Variants in PTAFR observed in about 807,000 individuals in gnomAD.
PTAFR encodes the protein platelet-activating factor receptor.
In PTAFR, 8 loss-of-function variants were observed where a neutral mutation model predicts 14.7. The ratio of observed to expected loss-of-function variants is 0.54; its 90% CI spans 0.32 to 0.98. PTAFR has a LOEUF of 0.98. Ranked by LOEUF, PTAFR falls within the 50% of genes least tolerant of loss-of-function variation. PTAFR has a pLI of 0.04. For missense variants in PTAFR, 337 were observed against 451.2 expected, an observed-to-expected ratio of 0.75 and a Z score of 2.29; for synonymous variants, 156 against 176.5, an observed-to-expected ratio of 0.88 and a Z score of 0.92.
At chr1:28,156,556 T>TA (rs756563394) in intron 1 of PTAFR, among the ~76,000 whole-genome samples, 22 of 152,232 alleles carry the variant, frequency 1.4e-4, no homozygotes, top group Non-Finnish European at 3.1e-4. Context: ...AAGAGTTTAT[T>TA]ATTGGGTGTT....
chr1:28,150,256 TC>T lies in PTAFR; in HGVS notation c.765del (p.Trp255Ter). 6.2e-7 allele frequency: 1 copy of T among 1,612,666 alleles called. No homozygotes were observed. The highest frequency in any genetic ancestry group is 8.5e-7 in the Non-Finnish European group (1 of 1,178,970). On this transcript the variant is annotated frameshift_variant, in exon 2 of 2. Transcript: ENST00000373857. LOFTEE classifies it high-confidence loss of function. This position sits in a 1 kb window ranked among gnomAD's most constrained non-coding sequence, Gnocchi z 6.3. ...TCCTGGAAGCCCAGCTCAGCAAGGG[TC>T]CAGGGCAGCTGCACCACGTGGTGGG... ...FVPHHVVQLP[W>X]TLAELGFQDS... is the part of the protein sequence containing the mutation.
chr1:28,148,926 G>T lies in PTAFR; in HGVS notation c.*1067C>A, dbSNP rs141881826. On this transcript the variant is annotated 3_prime_UTR_variant, in exon 2 of 2. Coordinates refer to ENST00000373857, the MANE Select transcript of PTAFR (RefSeq NM_000952.5). Reference sequence around the variant, plus strand: ...AAGGGGCCTTTGCCCACCCTCAGTGGGTGGCTGCCCCACAGAAGGTACTTA... The same window carrying T: ...AAGGGGCCTTTGCCCACCCTCAGTGTGTGGCTGCCCCACAGAAGGTACTTA... 745 of 152,378 alleles carry T rather than the reference G, an allele frequency of 4.9e-3. 6 individuals carry two copies. Among genetic ancestry groups the T allele is most frequent in the Non-Finnish European group, 4.5e-3 (306 of 68,076 alleles). 9.4% of individuals were successfully genotyped at this position (152,378 alleles called of 1,614,324 possible).
At chr1:28,174,570 G>C (rs1557695019) in intron 1 of PTAFR, among the ~76,000 whole-genome samples, 1 of 152,160 alleles carries the variant, frequency 6.6e-6, no homozygotes. Context: ...CCGGAGATGA[G>C]AAAGGATTTT....
At position 28,149,624 on chromosome 1, in the gene PTAFR, G is replaced by C; in HGVS notation, c.*369C>G. On this transcript the variant is annotated 3_prime_UTR_variant, in exon 2 of 2. Transcript: ENST00000373857. Reference sequence around the variant, plus strand: ...TGGGATTACAGGTGTGAGCCACTGCGCCCACTCCCCCAAAGCTTTAGACCG... The same window carrying C: ...TGGGATTACAGGTGTGAGCCACTGCCCCCACTCCCCCAAAGCTTTAGACCG... The C allele has an allele frequency of 4.7e-6, 1 of 212,184 alleles. No homozygotes were observed. The allele number at this position is 212,184 out of a possible 1,614,324, so 13.1% of individuals were successfully genotyped here.
At chr1:28,182,604 A>G (rs1368411392) in intron 1 of PTAFR, among the ~76,000 whole-genome samples, 2 of 152,148 alleles carry the variant, frequency 1.3e-5, no homozygotes, top group Non-Finnish European at 2.9e-5. Context: ...TAAAAAAAAA[A>G]AAAGTGTGCT....
intron 1 of PTAFR, among the ~76,000 whole-genome samples, chr1:28,190,194 A>ACTC (rs1646641475): frequency 7.0e-6 from 1 of 143,432 alleles, no homozygotes; most frequent in Non-Finnish European, 1.5e-5. Context: ...CTGGTCTCAA[A>ACTC]CTCCCGACCT....
chr1:28,158,470 C>T (rs1022922878), intron 1 of PTAFR, among the ~76,000 whole-genome samples: 7 of 152,176 alleles, frequency 4.6e-5, no homozygotes, highest in African/African-American at 1.2e-4. Context: ...GAGGCCGAAG[C>T]GGGTGGATCA....
chr1:28,184,555 A>G (rs1646590834), intron 1 of PTAFR, among the ~76,000 whole-genome samples: 1 of 152,128 alleles, frequency 6.6e-6, no homozygotes, highest in Admixed American at 6.6e-5. Context: ...CTCATCTCCT[A>G]CATCTCGCTC....
At chr1:28,172,753 G>C (rs1458965670) in intron 1 of PTAFR, among the ~76,000 whole-genome samples, 1 of 152,186 alleles carries the variant, frequency 6.6e-6, no homozygotes, top group East Asian at 1.9e-4. Context: ...CCGAAACCAG[G>C]AGATGTGGGC....
rs145834884 is a variant in PTAFR at position 28,189,769 on chromosome 1, C to T, written c.-39+3953G>A. Among the ~76,000 whole-genome samples the T allele has an allele frequency of 3.5e-3, 514 of 146,482 alleles. 5 individuals carry two copies. The highest frequency in any genetic ancestry group is 0.021 in the Middle Eastern group (5 of 240). On this transcript the variant is annotated intron_variant, in intron 1 of 1. Transcript: ENST00000305392. Reference sequence around the variant, plus strand: ...CAACCTCCACCTCCTGGGCTCAAGGCGTCCTCCCACCTCAGCCTCCCGAGT... The same window carrying T: ...CAACCTCCACCTCCTGGGCTCAAGGTGTCCTCCCACCTCAGCCTCCCGAGT...
At chr1:28,179,553 C>T (rs576738853), upstream of PTAFR, among the ~76,000 whole-genome samples, 20 of 152,278 alleles carry the variant, frequency 1.3e-4, no homozygotes, top group South Asian at 2.7e-3. Context: ...CAGTGACTCA[C>T]GCCTGTAATC....
In PTAFR at chr1:28,183,009, G is replaced by A. The variant is rs529985985; in HGVS notation, c.-39+10713C>T. ...TTCAATTTTTTATAATTAAGAAAGGGTTTTTTGCTGTTTGTTTTTTAAAGA... is the reference window on the plus strand; with the variant it reads ...TTCAATTTTTTATAATTAAGAAAGGATTTTTTGCTGTTTGTTTTTTAAAGA... On this transcript the variant is annotated intron_variant, in intron 1 of 1. Coordinates refer to the PTAFR transcript ENST00000305392. Among the ~76,000 whole-genome samples, 128 of 151,258 alleles carry A rather than the reference G, an allele frequency of 8.5e-4. 2 individuals are homozygous for A. In the South Asian group the frequency reaches 0.025, roughly 30 times the overall value.
At chr1:28,174,483 T>C (rs1385466541) in intron 1 of PTAFR, among the ~76,000 whole-genome samples, 1 of 152,204 alleles carries the variant, frequency 6.6e-6, no homozygotes, top group Admixed American at 6.5e-5. Context: ...AACTCAGTCC[T>C]GTAGGCACAT....
chr1:28,162,920 C>CCAA (rs1646342080), intron 1 of PTAFR, among the ~76,000 whole-genome samples: 1 of 152,052 alleles, frequency 6.6e-6, no homozygotes, highest in East Asian at 1.9e-4. Context: ...ATGTTGTACC[C>CCAA]CAACAACTGC....
At chr1:28,166,698 C>T (rs1005968544) in intron 1 of PTAFR, among the ~76,000 whole-genome samples, 1 of 151,890 alleles carries the variant, frequency 6.6e-6, no homozygotes, top group Non-Finnish European at 1.5e-5. Flanking sequence ...CACAACAGGC[C>T]AGATACAGTG....
At chr1:28,168,232 A>C (rs372507051) in intron 1 of PTAFR, among the ~76,000 whole-genome samples, 55 of 151,640 alleles carry the variant, frequency 3.6e-4, no homozygotes, top group Admixed American at 3.6e-3. Flanking sequence ...CGGCCACCCA[A>C]AGTGCTGGGA....
rs313152 is a variant in PTAFR at position 28,149,490 on chromosome 1, T to C, written c.*503A>G. The C allele has an allele frequency of 0.28, 43,272 of 155,866 alleles. 7,821 individuals are homozygous for C. Among genetic ancestry groups the C allele is most frequent in the African/African-American group, 0.52 (21,476 of 41,312 alleles). The allele number at this position is 155,866 out of a possible 1,614,324, so 9.7% of individuals were successfully genotyped here. ...CTGGGACTACAGGCGTGTGCCACCA[T>C]GCCCGGCTAATTTTTGTATGTTTTA... On this transcript the variant is annotated 3_prime_UTR_variant, in exon 2 of 2. Coordinates refer to ENST00000373857, the MANE Select transcript of PTAFR (RefSeq NM_000952.5).
chr1:28,183,365 C>T (rs1646577982), intron 1 of PTAFR, among the ~76,000 whole-genome samples: 1 of 151,988 alleles, frequency 6.6e-6, no homozygotes, highest in Admixed American at 6.6e-5. Flanking sequence ...GAGCTATTGC[C>T]CACAATATTT....
At chr1:28,152,459 T>C (rs1040602911) in intron 1 of PTAFR, among the ~76,000 whole-genome samples, 1 of 151,904 alleles carries the variant, frequency 6.6e-6, no homozygotes, top group East Asian at 1.9e-4. Flanking sequence ...AAAAATCAGC[T>C]GGGTGTGGTG....
Sources: allele counts gnomAD v4.1 joint callset (sites outside exome capture counted in the v4.1 genomes callset), GRCh38; gene constraint gnomAD v4.1.1; non-coding constraint Gnocchi (gnomAD v3.1); transcripts MANE v1.5; gene names NCBI Gene and HGNC (gene_info 2026-07-23, HGNC 2026-07-21).